Variants in BRINP1 observed in about 807,000 individuals in gnomAD.
BRINP1 encodes the protein BMP/retinoic acid inducible neural specific 1.
Under a neutral mutation model 72.9 loss-of-function variants are expected in BRINP1, and 17 were observed. The observed-to-expected ratio is 0.23, with a 90% confidence interval of 0.16 to 0.35. The LOEUF is 0.35. BRINP1 is among the 10% of genes least tolerant of loss of function. The pLI, the probability that BRINP1 is intolerant of heterozygous loss-of-function variation, is 1.00. For synonymous variants in BRINP1, 418 were observed against 378.5 expected (o/e 1.10, Z -1.21); for missense variants, 850 against 1,001.6 (o/e 0.85, Z 2.04).
intron 7 of BRINP1, among the ~76,000 whole-genome samples, chr9:119,196,639 C>T (rs10760023): frequency 7.9e-5 from 12 of 151,996 alleles, no homozygotes; most frequent in African/African-American, 2.9e-4. Context: ...TTACTACATG[C>T]TAGGAACAGT....
chr9:119,350,362 C>T (rs1564254823), intron 1 of BRINP1, among the ~76,000 whole-genome samples: 1 of 152,136 alleles, frequency 6.6e-6, no homozygotes, highest in South Asian at 2.1e-4. Flanking sequence ...GGGTTAATAA[C>T]TTATGGTATA....
intron 1 of BRINP1, among the ~76,000 whole-genome samples, chr9:119,337,417 A>C (rs1463073678): frequency 6.6e-6 from 1 of 152,198 alleles, no homozygotes; most frequent in Non-Finnish European, 1.5e-5. Context: ...ATAAGCCAGG[A>C]GGAAATACAG....
At chr9:119,327,270 G>C (rs565732570) in intron 1 of BRINP1, among the ~76,000 whole-genome samples, 1 of 152,142 alleles carries the variant, frequency 6.6e-6, no homozygotes, top group African/African-American at 2.4e-5. Context: ...AGCCCAGCAC[G>C]CATTAGCTAT....
chr9:119,360,396 A>G (rs2119041681), intron 1 of BRINP1, among the ~76,000 whole-genome samples: 1 of 152,286 alleles, frequency 6.6e-6, no homozygotes, highest in East Asian at 1.9e-4. Context: ...TAAACTCAGA[A>G]CCCATCAAAT....
chr9:119,229,707 T>C (rs190277536), intron 5 of BRINP1, among the ~76,000 whole-genome samples: 4 of 152,204 alleles, frequency 2.6e-5, no homozygotes, highest in Admixed American at 2.0e-4. Flanking sequence ...GTGCATGCAA[T>C]GTAGCACAGA....
At chr9:119,169,434 A>T (rs1588152111) in intron 7 of BRINP1, among the ~76,000 whole-genome samples, 1 of 152,166 alleles carries the variant, frequency 6.6e-6, no homozygotes, top group East Asian at 1.9e-4. Flanking sequence ...GGCTTAAAAA[A>T]CGGCGCACCG....
intron 7 of BRINP1, among the ~76,000 whole-genome samples, chr9:119,203,855 C>T (rs1829827177): frequency 6.6e-6 from 1 of 152,176 alleles, no homozygotes; most frequent in Non-Finnish European, 1.5e-5. Flanking sequence ...TACTCAATTG[C>T]TATTGTACCT....
At chr9:119,306,605 G>A (rs1831000260) in intron 2 of BRINP1, among the ~76,000 whole-genome samples, 1 of 152,194 alleles carries the variant, frequency 6.6e-6, no homozygotes, top group Admixed American at 6.5e-5. Context: ...GTCTAAGCCG[G>A]TTTTTAATGA....
intron 7 of BRINP1, among the ~76,000 whole-genome samples, chr9:119,186,103 C>G (rs1165234865): frequency 6.6e-6 from 1 of 152,140 alleles, no homozygotes; most frequent in Non-Finnish European, 1.5e-5. Context: ...GGCACCTGAG[C>G]CCAGGGCACT....
chr9:119,287,885 G>A (rs138131769), intron 2 of BRINP1, among the ~76,000 whole-genome samples: 2 of 151,994 alleles, frequency 1.3e-5, no homozygotes, highest in Admixed American at 6.6e-5. Flanking sequence ...AGTATCTAAC[G>A]GGTACTAGGC....
intron 5 of BRINP1, among the ~76,000 whole-genome samples, chr9:119,234,134 T>C (rs939087895): frequency 2.0e-5 from 3 of 152,190 alleles, no homozygotes; most frequent in Non-Finnish European, 4.4e-5. Context: ...CATGTTTTCA[T>C]AGGAGTCAGG....
chr9:119,209,070 A>G, intron 6 of BRINP1, 129 bp from the exon 7 acceptor site: 1 of 698,060 alleles, frequency 1.4e-6, no homozygotes, highest in South Asian at 1.9e-5. Context: ...CTTAAGGGCC[A>G]TAGAACATTG....
At chr9:119,236,206 C>T (rs1385460433) in intron 5 of BRINP1, among the ~76,000 whole-genome samples, 1 of 152,128 alleles carries the variant, frequency 6.6e-6, no homozygotes, top group Non-Finnish European at 1.5e-5. Context: ...AACATCCCTC[C>T]TGGAGTGTGA....
At chr9:119,324,329 G>T (rs1281867070) in intron 1 of BRINP1, among the ~76,000 whole-genome samples, 4 of 152,170 alleles carry the variant, frequency 2.6e-5, no homozygotes, top group African/African-American at 4.8e-5. Context: ...AAGCCCTACT[G>T]CACAGTGGGT....
At chr9:119,356,108 C>T (rs1391867893) in intron 1 of BRINP1, among the ~76,000 whole-genome samples, 1 of 152,134 alleles carries the variant, frequency 6.6e-6, no homozygotes, top group African/African-American at 2.4e-5. Flanking sequence ...GGTTATTCCA[C>T]TTCAGTCACA....
Position 119,238,715 on chromosome 9 carries a change from T to C in BRINP1, c.625A>G (p.Asn209Asp), listed in dbSNP as rs1480356162. Residue 209 changes from asparagine (N) to aspartate (D), a missense_variant, in exon 5 of 8, where the codon AAT (asparagine) becomes GAT (aspartate). Physicochemically the swap from Asn to Asp is conservative, Grantham distance 23. Coordinates refer to ENST00000265922, the MANE Select transcript of BRINP1 (RefSeq NM_014618.3). ...AGGACGGAACTCACAGAGTCCAGAT[T>C]GTCATAGCTGTTACAGCCCAGAGGC... is the stretch of plus-strand genomic sequence containing the variant. ...TGPLGCNSYD[N>D]LDSVSSVLLQ... 1 of 1,612,738 alleles carries C rather than the reference T, an allele frequency of 6.2e-7. No individual in the cohort carries two copies. Among genetic ancestry groups the C allele is most frequent in the African/African-American group, 1.3e-5 (1 of 74,968 alleles).
intron 2 of BRINP1, among the ~76,000 whole-genome samples, chr9:119,282,284 A>C (rs1192323751): frequency 6.6e-6 from 1 of 152,214 alleles, no homozygotes; most frequent in African/African-American, 2.4e-5. Context: ...AACAGAAAGT[A>C]GATGAAATCC....
intron 1 of BRINP1, among the ~76,000 whole-genome samples, chr9:119,320,216 A>G (rs371359815): frequency 1.3e-5 from 2 of 152,270 alleles, no homozygotes; most frequent in African/African-American, 4.8e-5. Context: ...ATAGCACACC[A>G]GGTGGCAGAG....
intron 7 of BRINP1, among the ~76,000 whole-genome samples, chr9:119,175,078 T>A (rs1286894393): frequency 7.2e-6 from 1 of 139,214 alleles, no homozygotes; most frequent in Admixed American, 7.5e-5. Context: ...GTAACTAACC[T>A]GCACAATGTG....
Sources: allele counts gnomAD v4.1 joint callset (sites outside exome capture counted in the v4.1 genomes callset), GRCh38; gene constraint gnomAD v4.1.1; transcripts MANE v1.5; gene names NCBI Gene and HGNC (gene_info 2026-07-23, HGNC 2026-07-21).